The following NSD3 variants were observed in gnomAD, a reference collection of about 807,000 sequenced individuals.
NSD3 encodes nuclear receptor binding SET domain protein 3.
In NSD3, 24 loss-of-function variants were observed where a neutral mutation model predicts 160.8. The ratio of observed to expected loss-of-function variants is 0.15; its 90% confidence interval spans 0.11 to 0.21. The LOEUF (loss-of-function observed/expected upper bound fraction) is 0.21, where lower values mean the gene tolerates loss of function less well. Among genes scored for constraint, NSD3 ranks in the 10% least tolerant of loss-of-function variants. NSD3 has a pLI of 1.00. For synonymous variants in NSD3, 520 were observed against 600.0 expected, an observed-to-expected ratio of 0.87 and a Z score of 1.95; for missense variants, 1,157 against 1,735.9, an observed-to-expected ratio of 0.67 and a Z score of 5.93.
chr8:38,336,875 C>T (rs1037602777), intron 4 of NSD3, among the ~76,000 whole-genome samples: 1 of 152,204 alleles, frequency 6.6e-6, no homozygotes, highest in Non-Finnish European at 1.5e-5. Context: ...GGCGCAGTGG[C>T]TCACGCCTGT....
chr8:38,346,400 A>ATATATG (rs1225144511), intron 2 of NSD3, among the ~76,000 whole-genome samples: 1 of 147,780 alleles, frequency 6.8e-6, no homozygotes, highest in Non-Finnish European at 1.5e-5. Context: ...TATATATTGT[A>ATATATG]TATATGTATA....
rs1212462562 is a variant in NSD3, at chr8:38,382,203, C to T, written c.-449G>A. 4.3e-5 allele frequency: 7 copies of T among 162,430 alleles called. No individual in the cohort carries two copies. The highest frequency in any genetic ancestry group is 1.7e-4 in the African/African-American group (7 of 41,480). The allele number at this position is 162,430 out of a possible 1,614,324, so 10.1% of individuals were successfully genotyped here. ...CTCTCCGCGGCGACCTGTGCACAGC[C>T]CCCTCGGCCTCCGCCTCCGTGCTGG... is the stretch of plus-strand genomic sequence containing the variant. On this transcript the variant is annotated 5_prime_UTR_variant, in exon 1 of 24. Coordinates refer to ENST00000317025, the MANE Select transcript of NSD3 (RefSeq NM_023034.2). This position sits in a 1 kb window ranked among gnomAD's most constrained non-coding sequence, Gnocchi z 4.2.
At chr8:38,300,897 A>G (rs1809261060) in intron 14 of NSD3, among the ~76,000 whole-genome samples, 1 of 152,244 alleles carries the variant, frequency 6.6e-6, no homozygotes, top group South Asian at 2.1e-4. Context: ...CTCTACACTG[A>G]GACGAATTCA....
intron 1 of NSD3, among the ~76,000 whole-genome samples, chr8:38,370,021 T>C (rs1437029935): frequency 6.6e-6 from 1 of 152,168 alleles, no homozygotes; most frequent in Non-Finnish European, 1.5e-5. Flanking sequence ...CTCAAACTCC[T>C]GACCTCAAGT....
intron 19 of NSD3, among the ~76,000 whole-genome samples, chr8:38,283,069 G>C (rs537646669): frequency 6.6e-6 from 1 of 152,090 alleles, no homozygotes; most frequent in Non-Finnish European, 1.5e-5. Flanking sequence ...CTATACCATC[G>C]TTATGTTCCC....
chr8:38,302,526 G>A (rs573304336), intron 14 of NSD3, among the ~76,000 whole-genome samples: 15 of 152,128 alleles, frequency 9.9e-5, no homozygotes, highest in African/African-American at 2.4e-4. Flanking sequence ...CTGGATAACC[G>A]TCAAATTGTT....
chr8:38,314,092 G>C (rs571939320), intron 12 of NSD3, among the ~76,000 whole-genome samples: 1 of 152,108 alleles, frequency 6.6e-6, no homozygotes, highest in Non-Finnish European at 1.5e-5. Context: ...AAACAACTAC[G>C]ACTTGCTTTC....
At chr8:38,330,335 T>G (rs1810027531) in intron 5 of NSD3, among the ~76,000 whole-genome samples, 1 of 152,160 alleles carries the variant, frequency 6.6e-6, no homozygotes, top group South Asian at 2.1e-4. Context: ...ACAAAGCTAC[T>G]GGCAGAGTTT....
intron 1 of NSD3, among the ~76,000 whole-genome samples, chr8:38,362,321 A>AT (rs1382906370): frequency 2.1e-5 from 3 of 143,220 alleles, no homozygotes; most frequent in Non-Finnish European, 4.5e-5. Context: ...TGCTAATACC[A>AT]TTAAGCAGTA....
chr8:38,355,477 TGTGA>T (rs986930214), intron 1 of NSD3, among the ~76,000 whole-genome samples: 37 of 152,270 alleles, frequency 2.4e-4, no homozygotes, highest in African/African-American at 4.6e-4. Context: ...TGTAAGATTT[TGTGA>T]GTAAGACACA....
intron 1 of NSD3, among the ~76,000 whole-genome samples, chr8:38,376,401 C>T (rs1811387723): frequency 6.6e-6 from 1 of 152,026 alleles, no homozygotes; most frequent in Non-Finnish European, 1.5e-5. Context: ...TTTGCCCCCT[C>T]ACCTTGAGTT....
intron 12 of NSD3, among the ~76,000 whole-genome samples, chr8:38,312,468 G>A (rs186581030): frequency 3.4e-4 from 51 of 152,106 alleles, no homozygotes; most frequent in Middle Eastern, 6.8e-3. Flanking sequence ...TCTTAAATCA[G>A]GGATTGCATA....
rs1324541415 is a variant in NSD3, at chr8:38,273,752, A to AT, written c.*1888dup. On this transcript the variant is annotated 3_prime_UTR_variant, in exon 24 of 24. Transcript: ENST00000317025. ...ATTTCATGTTACTTGTAGCAATTAT[A>AT]TTTGGTGACATGGATCGCATTTTCC... 2 of 152,198 alleles carry AT rather than the reference A, an allele frequency of 1.3e-5. No homozygotes were observed. The allele number at this position is 152,198 out of a possible 1,614,324, so 9.4% of individuals were successfully genotyped here. A position where few individuals can be genotyped will look rare whatever the true frequency, so the allele number is the denominator to read the frequency against.
rs1351009775 is a variant in NSD3 at position 38,316,222 on chromosome 8, G to A, written c.1856-180C>T. Among the ~76,000 whole-genome samples, 1 of 152,204 alleles carries A rather than the reference G, an allele frequency of 6.6e-6. No individual in the cohort carries two copies. Among genetic ancestry groups the A allele is most frequent in the Non-Finnish European group, 1.5e-5 (1 of 68,042 alleles). On this transcript the variant is annotated intron_variant, in intron 9 of 23. Transcript: ENST00000317025. The surrounding 1 kb of genome is among the most constrained non-coding windows in gnomAD (Gnocchi z 4.5). ...CAGAACTTCTGACCTTCCTGGTAGT[G>A]ACTGATTTAATTTACAACCGCTCTA... is the stretch of plus-strand genomic sequence containing the variant.
chr8:38,299,389 A>AG, intron 15 of NSD3, 55 bp downstream of exon 15: 2 of 1,561,444 alleles, frequency 1.3e-6, no homozygotes, highest in Non-Finnish European at 1.7e-6. Flanking sequence ...ATATTGAAAG[A>AG]GAAAAAAATA....
intron 1 of NSD3, among the ~76,000 whole-genome samples, chr8:38,360,291 T>C (rs955548138): frequency 3.3e-5 from 5 of 152,164 alleles, no homozygotes; most frequent in Admixed American, 3.3e-4. Context: ...GTCCAAATAA[T>C]TTCTTAAATT....
At chr8:38,307,087 C>G (rs1229831770) in intron 12 of NSD3, among the ~76,000 whole-genome samples, 2 of 148,208 alleles carry the variant, frequency 1.3e-5, no homozygotes, top group East Asian at 3.9e-4. Context: ...CGCACTCCAG[C>G]CTGGGTGACA....
At chr8:38,296,291 G>A (rs1214310237) in intron 15 of NSD3, among the ~76,000 whole-genome samples, 2 of 152,144 alleles carry the variant, frequency 1.3e-5, no homozygotes, top group East Asian at 3.9e-4. Flanking sequence ...TGACTGAGTA[G>A]ATTTGAGAGG....
At chr8:38,328,912 A>G (rs999374846) in intron 6 of NSD3, among the ~76,000 whole-genome samples, 2 of 152,250 alleles carry the variant, frequency 1.3e-5, no homozygotes, top group Non-Finnish European at 2.9e-5. Flanking sequence ...AGGCAGTTAG[A>G]TATCGCAAGC....
Sources: gnomAD v4.1 joint callset for allele counts (sites outside exome capture counted in the v4.1 genomes callset) on GRCh38, gnomAD v4.1.1 for gene constraint, Gnocchi (gnomAD v3.1) non-coding constraint, MANE v1.5 for transcripts, NCBI Gene and HGNC (gene_info 2026-07-23, HGNC 2026-07-21) for gene names.